EGFR: variants seen among roughly 807,000 people sequenced by gnomAD.
The protein encoded by EGFR is avian erythroblastic leukemia viral (v-erb-b) oncogene homolog.
In EGFR, 58 loss-of-function variants were observed where a neutral mutation model predicts 143.0. The ratio of observed to expected loss-of-function variants is 0.41; its 90% CI spans 0.33 to 0.50. The LOEUF is 0.50. EGFR is among the 20% of genes least tolerant of loss of function. The probability of loss-of-function intolerance (pLI) is 0.39; values close to 1 mark genes in which losing one functional copy is unlikely to be tolerated. For synonymous variants in EGFR, 613 were observed against 594.4 expected, an observed-to-expected ratio of 1.03 and a Z score of -0.45; for missense variants, 1,307 against 1,579.0, an observed-to-expected ratio of 0.83 and a Z score of 2.92.
chr7:55,032,122 A>G (rs944646883), intron 1 of EGFR, among the ~76,000 whole-genome samples: 2 of 152,210 alleles, frequency 1.3e-5, no homozygotes, highest in African/African-American at 4.8e-5. Context: ...AGTAGTACTG[A>G]TCTCACAATC....
At chr7:55,159,371 T>C (rs11238354) in intron 11 of EGFR, among the ~76,000 whole-genome samples, 38,130 of 152,040 alleles carry the variant, frequency 0.25, 5,354 homozygotes, top group East Asian at 0.57. Context: ...TCCAGGTGGC[T>C]GAGGACATCC....
At chr7:55,174,874 C>G (rs1204256518) in intron 19 of EGFR, 54 bp downstream of exon 19, 3 of 1,409,028 alleles carry the variant, frequency 2.1e-6, no homozygotes, top group Non-Finnish European at 3.0e-6. Flanking sequence ...TCAGGCCCAC[C>G]TTTTCTCATG....
intron 1 of EGFR, among the ~76,000 whole-genome samples, chr7:55,121,945 G>A (rs1219032438): frequency 6.6e-6 from 1 of 152,150 alleles, no homozygotes; most frequent in African/African-American, 2.4e-5. Flanking sequence ...CAGTGGATCT[G>A]GGCATCTCTC....
chr7:55,182,670 C>T (rs1786941685), intron 20 of EGFR, among the ~76,000 whole-genome samples: 1 of 152,184 alleles, frequency 6.6e-6, no homozygotes, highest in African/African-American at 2.4e-5. Flanking sequence ...TGCACAGCCC[C>T]TTTTACTCCA....
chr7:55,026,625 G>A (rs1368365185), intron 1 of EGFR, among the ~76,000 whole-genome samples: 1 of 152,188 alleles, frequency 6.6e-6, no homozygotes, highest in East Asian at 1.9e-4. Flanking sequence ...GAAGATGCCA[G>A]TCTCGGGATA....
chr7:55,146,601 C>G lies in EGFR; in HGVS notation c.425-5C>G, dbSNP rs189130668. On this transcript the variant is annotated splice_polypyrimidine_tract_variant and splice_region_variant and intron_variant, in intron 3 of 27. Coordinates refer to ENST00000275493, the MANE Select transcript of EGFR (RefSeq NM_005228.5). Reference sequence around the variant, plus strand: ...AGTGCTCACCGCAGTTCCATTCTCCCGCAGAAATCCTGCATGGCGCCGTGC... The same window carrying G: ...AGTGCTCACCGCAGTTCCATTCTCCGGCAGAAATCCTGCATGGCGCCGTGC... The G allele has an allele frequency of 6.2e-7, 1 of 1,613,976 alleles. No homozygotes were observed. Among genetic ancestry groups the G allele is most frequent in the Admixed American group, 1.7e-5 (1 of 60,010 alleles).
intron 8 of EGFR, among the ~76,000 whole-genome samples, 191 bp downstream of exon 8, chr7:55,156,137 TG>T (rs1166431460): frequency 6.6e-6 from 1 of 152,128 alleles, no homozygotes; most frequent in Non-Finnish European, 1.5e-5. Flanking sequence ...TGTGACGGGG[TG>T]GGGGGCTCTG....
intron 1 of EGFR, among the ~76,000 whole-genome samples, chr7:55,104,135 G>A (rs1050625294): frequency 1.1e-4 from 17 of 152,148 alleles, no homozygotes; most frequent in African/African-American, 3.6e-4. Context: ...TGTTGCTACC[G>A]ATAAAGGAGC....
chr7:55,063,499 A>G (rs1040011891), intron 1 of EGFR, among the ~76,000 whole-genome samples: 2 of 152,226 alleles, frequency 1.3e-5, no homozygotes, highest in African/African-American at 4.8e-5. Context: ...AACAAAAAAT[A>G]GTATTTTAAA....
At chr7:55,180,973 A>G (rs867704957) in intron 19 of EGFR, 2 of 471,914 alleles carry the variant, frequency 4.2e-6, no homozygotes, top group African/African-American at 1.9e-5. Flanking sequence ...AGATACTATC[A>G]GTTCCCAAAC....
chr7:55,144,709 G>A (rs1007038699), intron 3 of EGFR, among the ~76,000 whole-genome samples: 2 of 152,070 alleles, frequency 1.3e-5, no homozygotes, highest in Non-Finnish European at 2.9e-5. Flanking sequence ...CTGGTACACC[G>A]GTTCCTACAG....
chr7:55,204,634 C>T (rs1257746185), intron 27 of EGFR, among the ~76,000 whole-genome samples: 8 of 128,360 alleles, frequency 6.2e-5, no homozygotes, highest in African/African-American at 2.2e-4. Context: ...CAGACACACA[C>T]CACACATACA....
In EGFR at chr7:55,149,580, G is replaced by A. The variant is rs1003828738; in HGVS notation, c.560-1714G>A. On this transcript the variant is annotated intron_variant, in intron 4 of 27. Coordinates refer to ENST00000275493, the MANE Select transcript of EGFR (RefSeq NM_005228.5). ...TCACGTTCTGCTTGTGGGCATATAT[G>A]TTAATAAAACCAAGCTTGGCAATAT... 5.3e-5 allele frequency among the ~76,000 whole-genome samples: 8 copies of A among 152,124 alleles called. No homozygotes were observed. In the East Asian group the frequency reaches 1.5e-3, roughly 29 times the overall value.
At chr7:55,112,632 A>G (rs1261751221) in intron 1 of EGFR, among the ~76,000 whole-genome samples, 5 of 152,204 alleles carry the variant, frequency 3.3e-5, no homozygotes, top group Admixed American at 6.5e-5. Flanking sequence ...GAAGCGAGGA[A>G]GGGTCTTCCT....
At chr7:55,113,886 G>A (rs1792668524) in intron 1 of EGFR, among the ~76,000 whole-genome samples, 1 of 152,188 alleles carries the variant, frequency 6.6e-6, no homozygotes, top group Admixed American at 6.5e-5. Flanking sequence ...CCTGGAGCCT[G>A]CTGGGGGCTT....
At chr7:55,140,600 C>T (rs1794405553) in intron 1 of EGFR, among the ~76,000 whole-genome samples, 1 of 152,212 alleles carries the variant, frequency 6.6e-6, no homozygotes, top group African/African-American at 2.4e-5. Flanking sequence ...CCGACAACCA[C>T]ACAATTGTTC....
chr7:55,159,389 G>A (rs907195342), intron 11 of EGFR, among the ~76,000 whole-genome samples: 17 of 152,042 alleles, frequency 1.1e-4, no homozygotes, highest in Non-Finnish European at 1.9e-4. Flanking sequence ...TCCCCCCTTC[G>A]GTCTGAATGA....
chr7:55,187,949 G>C (rs565203996), intron 20 of EGFR, among the ~76,000 whole-genome samples: 63 of 152,284 alleles, frequency 4.1e-4, no homozygotes, highest in African/African-American at 1.4e-3. Flanking sequence ...CCTAGCTGTG[G>C]CCAAGAGTGT....
chr7:55,141,837 A>C (rs995694988), intron 1 of EGFR, among the ~76,000 whole-genome samples: 29 of 152,146 alleles, frequency 1.9e-4, no homozygotes, highest in African/African-American at 6.8e-4. Context: ...TCAACCCTAC[A>C]GTTATATTCG....
Sources: allele counts gnomAD v4.1 joint callset (sites outside exome capture counted in the v4.1 genomes callset), GRCh38; gene constraint gnomAD v4.1.1; transcripts MANE v1.5; gene names NCBI Gene and HGNC (gene_info 2026-07-23, HGNC 2026-07-21).